The following TRIO variants were observed in gnomAD, a reference collection of about 807,000 sequenced individuals.
The protein encoded by TRIO is triple functional domain protein.
In TRIO, 58 loss-of-function variants were observed where a neutral mutation model predicts 351.9. The observed-to-expected ratio is 0.16, with a 90% CI of 0.13 to 0.21. The LOEUF (loss-of-function observed/expected upper bound fraction) is 0.21, where lower values mean the gene tolerates loss of function less well. Ranked by LOEUF, TRIO falls within the 10% of genes least tolerant of loss-of-function variation. The pLI is 1.00. For missense variants in TRIO, 3,201 were observed against 4,027.8 expected, an observed-to-expected ratio of 0.79 and a Z score of 5.56; for synonymous variants, 1,758 against 1,595.7, an observed-to-expected ratio of 1.10 and a Z score of -2.42.
intron 45 of TRIO, 36 bp from the exon 46 acceptor site, chr5:14,482,546 C>T (rs752739193): frequency 3.6e-6 from 5 of 1,390,612 alleles, no homozygotes; most frequent in Non-Finnish European, 4.7e-6. Context: ...ATGTTTTCTT[C>T]TCCCCTTCCT....
intron 1 of TRIO, among the ~76,000 whole-genome samples, chr5:14,240,482 T>A (rs1794062316): frequency 6.6e-6 from 1 of 152,182 alleles, no homozygotes; most frequent in Non-Finnish European, 1.5e-5. Flanking sequence ...CACAGCAGAT[T>A]TTCATTCTTC....
At chr5:14,207,163 C>G (rs1256255560) in intron 1 of TRIO, among the ~76,000 whole-genome samples, 1 of 151,838 alleles carries the variant, frequency 6.6e-6, no homozygotes, top group Non-Finnish European at 1.5e-5. Flanking sequence ...GGTAAGGTGG[C>G]TCACACCTGT....
At chr5:14,209,498 A>C (rs1791751287) in intron 1 of TRIO, among the ~76,000 whole-genome samples, 1 of 152,154 alleles carries the variant, frequency 6.6e-6, no homozygotes. Context: ...TAAATAGTTT[A>C]GTGTAATGTC....
At chr5:14,368,060 A>G (rs564881075) in intron 16 of TRIO, among the ~76,000 whole-genome samples, 3 of 152,310 alleles carry the variant, frequency 2.0e-5, no homozygotes, top group East Asian at 3.9e-4. Flanking sequence ...CCTTGGCTCT[A>G]CGGCCTCACT....
chr5:14,389,421 G>A, intron 25 of TRIO, 23 bp downstream of exon 25: 1 of 1,548,992 alleles, frequency 6.5e-7, no homozygotes, highest in Non-Finnish European at 8.9e-7. Context: ...TTCTTTGGGA[G>A]CAGTTACGCT....
intron 1 of TRIO, among the ~76,000 whole-genome samples, chr5:14,183,083 G>C (rs1298007836): frequency 6.6e-6 from 1 of 152,138 alleles, no homozygotes; most frequent in African/African-American, 2.4e-5. Flanking sequence ...CCATGAGCTG[G>C]GGAGGTGGGG....
chr5:14,270,566 T>C (rs1287719521), intron 1 of TRIO, among the ~76,000 whole-genome samples: 3 of 152,210 alleles, frequency 2.0e-5, no homozygotes, highest in African/African-American at 7.2e-5. Context: ...GGGACCAAGT[T>C]GTTATTGCTA....
At chr5:14,176,235 G>A (rs998482803) in intron 1 of TRIO, among the ~76,000 whole-genome samples, 1 of 152,208 alleles carries the variant, frequency 6.6e-6, no homozygotes, top group Non-Finnish European at 1.5e-5. Context: ...ACTTTGGGAA[G>A]CTGAGGCGGG....
At chr5:14,155,433 A>G (rs1788049520) in intron 1 of TRIO, among the ~76,000 whole-genome samples, 1 of 152,140 alleles carries the variant, frequency 6.6e-6, no homozygotes, top group Non-Finnish European at 1.5e-5. Context: ...TAACTTTAAC[A>G]CCTTTTTACC....
intron 20 of TRIO, among the ~76,000 whole-genome samples, chr5:14,380,459 C>T (rs1228304668): frequency 6.6e-6 from 1 of 152,220 alleles, no homozygotes; most frequent in East Asian, 1.9e-4. Context: ...CTGGCCATGT[C>T]CCCTTGCCCC....
intron 11 of TRIO, among the ~76,000 whole-genome samples, chr5:14,340,149 C>T (rs1253532272): frequency 2.6e-5 from 4 of 152,054 alleles, no homozygotes; most frequent in African/African-American, 9.7e-5. Context: ...AATCCCAGCA[C>T]TTTGGGAGGC....
chr5:14,200,739 C>T (rs1376825345), intron 1 of TRIO, among the ~76,000 whole-genome samples: 1 of 151,890 alleles, frequency 6.6e-6, no homozygotes, highest in African/African-American at 2.4e-5. Context: ...AATAAAGCTA[C>T]TTATGGAAAT....
At chr5:14,446,979 C>T (rs1306624189) in intron 34 of TRIO, among the ~76,000 whole-genome samples, 2 of 152,146 alleles carry the variant, frequency 1.3e-5, no homozygotes, top group Admixed American at 1.3e-4. Context: ...ACCTGTAATC[C>T]CAATACTTTG....
At chr5:14,474,162 C>T in intron 40 of TRIO, 65 bp downstream of exon 40, 3 of 1,502,464 alleles carry the variant, frequency 2.0e-6, no homozygotes, top group Non-Finnish European at 1.8e-6. Context: ...CCAAGGCAGG[C>T]CAGGCCAAAG....
rs1217993478 is a variant in TRIO, at chr5:14,286,993, T to C, written c.470T>C (p.Leu157Pro). Residue 157 changes from leucine (L) to proline (P), a missense_variant, in exon 4 of 57, where the codon CTG (leucine) becomes CCG (proline). Physicochemically the swap from Leu to Pro is moderately conservative, Grantham distance 98. Coordinates refer to ENST00000344204, the MANE Select transcript of TRIO (RefSeq NM_007118.4). This position sits in a 1 kb window ranked among gnomAD's most constrained non-coding sequence, Gnocchi z 4.4. The stretch of plus-strand genomic sequence containing the variant: ...TTCCCCTGCTGCATCCATGTGGCCC[T>C]GATCATCAAGCCAGACAACTTCTGG... ...ESFPCCIHVA[L>P]IIKPDNFWQK... is the part of the protein sequence containing the mutation. The C allele has an allele frequency of 6.2e-7, 1 of 1,614,194 alleles. No individual in the cohort carries two copies. The highest frequency in any genetic ancestry group is 8.5e-7 in the Non-Finnish European group (1 of 1,180,030).
chr5:14,328,532 G>C (rs30622), intron 9 of TRIO, among the ~76,000 whole-genome samples: 88,668 of 152,154 alleles, frequency 0.58, 25,943 homozygotes, highest in East Asian at 0.62. Flanking sequence ...TAAAACAATG[G>C]ACTCAATACT....
chr5:14,311,459 G>A (rs1341901991), intron 8 of TRIO, among the ~76,000 whole-genome samples: 1 of 152,198 alleles, frequency 6.6e-6, no homozygotes. Context: ...GCATGGGAAA[G>A]TATCTGTCGT....
At chr5:14,186,810 TA>T (rs1224689936) in intron 1 of TRIO, among the ~76,000 whole-genome samples, 1 of 152,082 alleles carries the variant, frequency 6.6e-6, no homozygotes, top group Non-Finnish European at 1.5e-5. Flanking sequence ...ACTCCTGACT[TA>T]AGGTGATCCA....
intron 20 of TRIO, among the ~76,000 whole-genome samples, chr5:14,380,078 G>A (rs1020977024): frequency 6.6e-6 from 1 of 152,064 alleles, no homozygotes; most frequent in Non-Finnish European, 1.5e-5. Context: ...TCTGTGCGCT[G>A]TCTCCCAGCC....
Sources: allele counts gnomAD v4.1 joint callset (sites outside exome capture counted in the v4.1 genomes callset), GRCh38; gene constraint gnomAD v4.1.1; non-coding constraint Gnocchi (gnomAD v3.1); transcripts MANE v1.5; gene names NCBI Gene and HGNC (gene_info 2026-07-23, HGNC 2026-07-21).